SLC9A9: variants seen among roughly 807,000 people sequenced by gnomAD.
The protein encoded by SLC9A9 is solute carrier family 9 member A9.
A neutral mutation model predicts 77.8 loss-of-function variants in SLC9A9; 62 were observed. That is an observed-to-expected ratio of 0.80 (90% CI 0.65 to 0.98). The LOEUF (loss-of-function observed/expected upper bound fraction) is 0.98, where lower values mean the gene tolerates loss of function less well. Among genes scored for constraint, SLC9A9 ranks in the 50% least tolerant of loss-of-function variants. SLC9A9 has a pLI of 0.00. For missense variants in SLC9A9, 775 were observed against 774.9 expected (o/e 1.00, Z 0.00); for synonymous variants, 320 against 283.5 (o/e 1.13, Z -1.29).
intron 2 of SLC9A9, among the ~76,000 whole-genome samples, chr3:143,817,144 T>TAA (rs1559812107): frequency 3.0e-5 from 3 of 98,954 alleles, no homozygotes; most frequent in African/African-American, 1.0e-4. Context: ...TTTTTTTTTT[T>TAA]ATTTTTTTTT....
intron 4 of SLC9A9, among the ~76,000 whole-genome samples, chr3:143,724,524 T>C (rs1401225662): frequency 6.6e-6 from 1 of 152,240 alleles, no homozygotes; most frequent in African/African-American, 2.4e-5. Flanking sequence ...TGGAAAGCTC[T>C]CTTTGGGTAA....
intron 4 of SLC9A9, among the ~76,000 whole-genome samples, chr3:143,726,560 T>C (rs924483085): frequency 7.2e-5 from 11 of 152,328 alleles, no homozygotes; most frequent in Non-Finnish European, 1.5e-4. Flanking sequence ...GTGTTGCCCC[T>C]GAGTATTCTG....
At position 143,577,306 on chromosome 3, in the gene SLC9A9, T is replaced by C. The variant is rs541662493; in HGVS notation, c.894+1279A>G. Among the ~76,000 whole-genome samples the C allele has an allele frequency of 7.9e-5, 12 of 152,280 alleles. No homozygotes were observed. In the South Asian group the frequency reaches 2.3e-3, roughly 29 times the overall value. On this transcript the variant is annotated intron_variant, in intron 7 of 15. Transcript: ENST00000316549. ...CCCTCTGGTCCTCCCAGGCATGTCT[T>C]CCAGATGCCACATTGGTCCCACTGC... is the stretch of plus-strand genomic sequence containing the variant.
At chr3:143,397,050 T>C (rs1045154855) in intron 12 of SLC9A9, among the ~76,000 whole-genome samples, 4 of 152,208 alleles carry the variant, frequency 2.6e-5, no homozygotes, top group African/African-American at 9.6e-5. Context: ...CAACTTCCCT[T>C]GAGTTTGAAG....
chr3:143,484,382 T>C (rs1218844913), intron 11 of SLC9A9, among the ~76,000 whole-genome samples: 1 of 152,214 alleles, frequency 6.6e-6, no homozygotes, highest in Admixed American at 6.5e-5. Context: ...TTCAAGTGCT[T>C]TGTCTTCTGG....
intron 5 of SLC9A9, among the ~76,000 whole-genome samples, chr3:143,670,063 CTCTA>C (rs1470173132): frequency 6.6e-6 from 1 of 152,182 alleles, no homozygotes; most frequent in African/African-American, 2.4e-5. Flanking sequence ...AAAAACTCTT[CTCTA>C]TCTCTCTTCC....
intron 4 of SLC9A9, among the ~76,000 whole-genome samples, chr3:143,789,403 T>C (rs1372152305): frequency 6.6e-6 from 1 of 152,196 alleles, no homozygotes; most frequent in Non-Finnish European, 1.5e-5. Flanking sequence ...CTGTCTCCCA[T>C]GAAAAATTCT....
intron 13 of SLC9A9, among the ~76,000 whole-genome samples, chr3:143,365,937 CCCTTT>C (rs146694796): frequency 0.038 from 5,724 of 152,212 alleles, 176 homozygotes; most frequent in East Asian, 0.17. Flanking sequence ...TTTTTTCCCA[CCCTTT>C]CCTTTAAGAA....
intron 5 of SLC9A9, among the ~76,000 whole-genome samples, chr3:143,682,193 T>C (rs954815399): frequency 6.6e-6 from 1 of 152,156 alleles, no homozygotes; most frequent in Non-Finnish European, 1.5e-5. Context: ...ATTACAGTAA[T>C]AAAGGGCAAG....
chr3:143,546,547 T>C (rs2036793559), intron 9 of SLC9A9, among the ~76,000 whole-genome samples: 1 of 152,244 alleles, frequency 6.6e-6, no homozygotes, highest in African/African-American at 2.4e-5. Context: ...GAAAGTATAA[T>C]AAATACGGCC....
chr3:143,544,025 A>G (rs1376367495), intron 9 of SLC9A9, among the ~76,000 whole-genome samples: 1 of 146,050 alleles, frequency 6.8e-6, no homozygotes, highest in African/African-American at 2.6e-5. Context: ...CTTTTTCTCT[A>G]CAGCCTCACT....
chr3:143,571,691 T>A (rs753764566), intron 8 of SLC9A9, among the ~76,000 whole-genome samples: 34 of 152,212 alleles, frequency 2.2e-4, no homozygotes, highest in Non-Finnish European at 4.0e-4. Context: ...TGGCTTTGAC[T>A]GCCAGAAAGC....
At chr3:143,273,769 TTC>T (rs1937964513) in intron 14 of SLC9A9, among the ~76,000 whole-genome samples, 1 of 152,202 alleles carries the variant, frequency 6.6e-6, no homozygotes, top group South Asian at 2.1e-4. Flanking sequence ...CTCTTGGAGA[TTC>T]TGATTCAGCA....
intron 5 of SLC9A9, among the ~76,000 whole-genome samples, chr3:143,678,698 T>C (rs1932969018): frequency 6.6e-6 from 1 of 152,246 alleles, no homozygotes; most frequent in Admixed American, 6.5e-5. Context: ...TAGTATATTC[T>C]TACATCTGAT....
At chr3:143,294,306 G>A (rs1374019780) in intron 14 of SLC9A9, among the ~76,000 whole-genome samples, 2 of 152,180 alleles carry the variant, frequency 1.3e-5, no homozygotes, top group African/African-American at 2.4e-5. Flanking sequence ...AGGCAACTGA[G>A]GGAGGAAGGG....
intron 12 of SLC9A9, among the ~76,000 whole-genome samples, chr3:143,431,459 C>T (rs748145025): frequency 4.0e-5 from 6 of 149,848 alleles, no homozygotes; most frequent in East Asian, 2.0e-4. Flanking sequence ...TCCCTTGTTG[C>T]GAAATCCTCC....
chr3:143,822,120 A>T (rs945183571), intron 2 of SLC9A9, among the ~76,000 whole-genome samples: 1 of 152,194 alleles, frequency 6.6e-6, no homozygotes, highest in African/African-American at 2.4e-5. Flanking sequence ...TCCAACTGAG[A>T]ATGACTCTGA....
chr3:143,538,413 C>G (rs1357477877), intron 9 of SLC9A9, among the ~76,000 whole-genome samples: 1 of 152,058 alleles, frequency 6.6e-6, no homozygotes, highest in Non-Finnish European at 1.5e-5. Flanking sequence ...TTAAGTTATG[C>G]CAGAAATGAA....
At chr3:143,811,295 C>A (rs2008859068) in intron 2 of SLC9A9, among the ~76,000 whole-genome samples, 1 of 152,202 alleles carries the variant, frequency 6.6e-6, no homozygotes, top group South Asian at 2.1e-4. Flanking sequence ...GTGTGCATTT[C>A]TTTTCCTCTG....
Sources: allele counts gnomAD v4.1 joint callset (sites outside exome capture counted in the v4.1 genomes callset), GRCh38; gene constraint gnomAD v4.1.1; transcripts MANE v1.5; gene names NCBI Gene and HGNC (gene_info 2026-07-23, HGNC 2026-07-21).